Variants in PCED1B observed in about 807,000 individuals in gnomAD.
PCED1B encodes PC-esterase domain containing 1B.
For missense variants in PCED1B, 573 were observed against 573.9 expected (o/e 1.00, Z 0.02); for synonymous variants, 251 against 246.1 (o/e 1.02, Z -0.19).
In PCED1B at chr12:47,235,801, C is replaced by T. The variant is rs369545390; in HGVS notation, c.738C>T (p.Ala246=). The change falls in exon 4 of 4, where the codon GCC becomes GCT. Residue 246 remains alanine, a synonymous_variant. Coordinates refer to ENST00000546455, the MANE Select transcript of PCED1B (RefSeq NM_138371.3). ...VHRCLSQLLL[A]HVADAWGVEL... ...GCTGCCTCTCCCAGCTGCTGCTGGC[C>T]CACGTGGCCGACGCCTGGGGTGTGG... 10 of 1,579,722 alleles carry T rather than the reference C, an allele frequency of 6.3e-6. No homozygotes were observed. The highest frequency in any genetic ancestry group is 1.7e-4 in the Middle Eastern group (1 of 6,026).
chr12:47,226,254 A>G (rs1431145962), intron 3 of PCED1B, among the ~76,000 whole-genome samples: 1 of 152,260 alleles, frequency 6.6e-6, no homozygotes, highest in Non-Finnish European at 1.5e-5. Context: ...GATTGTTCAT[A>G]AACCTCCCTC....
intron 1 of PCED1B, among the ~76,000 whole-genome samples, chr12:47,096,270 A>G (rs1938481878): frequency 6.6e-6 from 1 of 152,162 alleles, no homozygotes; most frequent in African/African-American, 2.4e-5. Context: ...TCTGTATCTT[A>G]TATTACACAT....
intron 2 of PCED1B, among the ~76,000 whole-genome samples, chr12:47,198,966 C>CAG (rs1942687453): frequency 7.6e-6 from 1 of 131,272 alleles, no homozygotes; most frequent in Non-Finnish European, 1.6e-5. Flanking sequence ...AACTCCATCT[C>CAG]AAAAAAAAAA....
intron 2 of PCED1B, among the ~76,000 whole-genome samples, chr12:47,141,409 G>T (rs561332018): frequency 6.6e-6 from 1 of 152,132 alleles, no homozygotes; most frequent in East Asian, 1.9e-4. Flanking sequence ...GAAACATTCT[G>T]TTCCTCTGTG....
intron 3 of PCED1B, among the ~76,000 whole-genome samples, chr12:47,229,377 G>A (rs1798511160): frequency 6.6e-6 from 1 of 150,656 alleles, no homozygotes; most frequent in Non-Finnish European, 1.5e-5. Flanking sequence ...TTGCACCACT[G>A]TACTTCAGCC....
At chr12:47,184,457 C>T (rs372136475) in intron 2 of PCED1B, among the ~76,000 whole-genome samples, 36 of 152,352 alleles carry the variant, frequency 2.4e-4, no homozygotes, top group East Asian at 2.1e-3. Flanking sequence ...CTCTCGGTAA[C>T]TGCTGCCAGC....
chr12:47,232,506 A>G (rs1224994535), intron 3 of PCED1B, among the ~76,000 whole-genome samples: 1 of 152,244 alleles, frequency 6.6e-6, no homozygotes, highest in Non-Finnish European at 1.5e-5. Flanking sequence ...ACCTATTAAA[A>G]TGTTCCTACA....
intron 3 of PCED1B, among the ~76,000 whole-genome samples, chr12:47,221,362 A>C (rs1293548670): frequency 1.6e-5 from 2 of 125,272 alleles, no homozygotes; most frequent in African/African-American, 5.9e-5. Flanking sequence ...TTTTTTTTTT[A>C]AGAAAGGGAT....
chr12:47,083,371 G>A (rs1035719981), intron 1 of PCED1B, among the ~76,000 whole-genome samples: 4 of 152,020 alleles, frequency 2.6e-5, no homozygotes, highest in African/African-American at 9.7e-5. Context: ...GGTGTTCTTT[G>A]GAGATGGAGC....
At chr12:47,121,121 A>C (rs528318505) in intron 2 of PCED1B, among the ~76,000 whole-genome samples, 35 of 152,364 alleles carry the variant, frequency 2.3e-4, no homozygotes, top group South Asian at 1.0e-3. Flanking sequence ...TGAATTGTAC[A>C]TTTTAAATGG....
At chr12:47,164,065 C>T (rs1268465494) in intron 2 of PCED1B, among the ~76,000 whole-genome samples, 1 of 152,182 alleles carries the variant, frequency 6.6e-6, no homozygotes, top group East Asian at 1.9e-4. Context: ...CTAGGCCTCA[C>T]CCCCCTACAA....
intron 2 of PCED1B, among the ~76,000 whole-genome samples, chr12:47,106,799 T>C (rs556485711): frequency 6.6e-6 from 1 of 152,226 alleles, no homozygotes; most frequent in African/African-American, 2.4e-5. Context: ...TTTTTTTTTC[T>C]TTGTCAGTCT....
At chr12:47,084,902 G>A (rs969044114) in intron 1 of PCED1B, among the ~76,000 whole-genome samples, 2 of 152,166 alleles carry the variant, frequency 1.3e-5, no homozygotes, top group Non-Finnish European at 2.9e-5. Context: ...TTGGGAGGCC[G>A]AGGCTAGTGA....
At chr12:47,176,488 G>A (rs368384204) in intron 2 of PCED1B, among the ~76,000 whole-genome samples, 1 of 152,198 alleles carries the variant, frequency 6.6e-6, no homozygotes, top group Admixed American at 6.5e-5. Flanking sequence ...TCGGGTTGCT[G>A]AACACATGGA....
chr12:47,176,777 A>C (rs182385429), intron 2 of PCED1B, among the ~76,000 whole-genome samples: 3 of 152,110 alleles, frequency 2.0e-5, no homozygotes, highest in Non-Finnish European at 4.4e-5. Flanking sequence ...GGATAGCCTC[A>C]TGGGACTGAG....
intron 2 of PCED1B, among the ~76,000 whole-genome samples, chr12:47,185,700 A>G (rs558285582): frequency 6.6e-6 from 1 of 152,074 alleles, no homozygotes; most frequent in East Asian, 1.9e-4. Flanking sequence ...GAGGCAGCAG[A>G]ACTGCTTGAA....
At chr12:47,234,571 C>T (rs957232516) in intron 3 of PCED1B, among the ~76,000 whole-genome samples, 4 of 152,152 alleles carry the variant, frequency 2.6e-5, no homozygotes, top group Middle Eastern at 3.2e-3. Context: ...AAACATTCTC[C>T]ATGTCCTTGC....
rs181661312 is a variant in PCED1B at position 47,228,918 on chromosome 12, C to T, written c.-57-6089C>T. ...ATGAAGAGGTAATGTTGGTAAAGCACCTGGGATCTAGTAGCTGTTCAATAA... is the reference window on the plus strand; with the variant it reads ...ATGAAGAGGTAATGTTGGTAAAGCATCTGGGATCTAGTAGCTGTTCAATAA... On this transcript the variant is annotated intron_variant, in intron 3 of 3. Transcript: ENST00000546455. Among the ~76,000 whole-genome samples the T allele has an allele frequency of 4.0e-5, 6 of 150,694 alleles. No homozygotes were observed. The East Asian group carries it at 1.2e-3, about 29-fold the overall frequency.
chr12:47,098,578 G>T (rs1406774827), intron 1 of PCED1B, among the ~76,000 whole-genome samples: 1 of 152,184 alleles, frequency 6.6e-6, no homozygotes, highest in Non-Finnish European at 1.5e-5. Flanking sequence ...CGCCTTCCGG[G>T]TTCACCCCAT....
Sources: allele counts gnomAD v4.1 joint callset (sites outside exome capture counted in the v4.1 genomes callset), GRCh38; gene constraint gnomAD v4.1.1; transcripts MANE v1.5; gene names NCBI Gene and HGNC (gene_info 2026-07-23, HGNC 2026-07-21).